The following OLFML2A variants were observed in gnomAD, a reference collection of about 807,000 sequenced individuals.
OLFML2A encodes olfactomedin-like protein 2A.
A neutral mutation model predicts 60.9 loss-of-function variants in OLFML2A; 47 were observed. That is an observed-to-expected ratio of 0.77 (90% confidence interval 0.61 to 0.98). The LOEUF (loss-of-function observed/expected upper bound fraction) is 0.98, where lower values mean the gene tolerates loss of function less well. Ranked by LOEUF, OLFML2A falls within the 50% of genes least tolerant of loss-of-function variation. The probability of loss-of-function intolerance (pLI) is 0.00; values close to 1 mark genes in which losing one functional copy is unlikely to be tolerated. For missense variants in OLFML2A, 922 were observed against 879.8 expected (o/e 1.05, Z -0.61); for synonymous variants, 372 against 375.0 (o/e 0.99, Z 0.09).
In OLFML2A at chr9:124,810,777, G is replaced by T; in HGVS notation, c.*365G>T. On this transcript the variant is annotated 3_prime_UTR_variant, in exon 8 of 8. Transcript: ENST00000373580. The stretch of plus-strand genomic sequence containing the variant: ...GTGCTCTCAGGACAGCCCCATTTTA[G>T]GGATGAGGAGACTTCACCACGCCCT... 4.3e-6 allele frequency: 1 copy of T among 233,414 alleles called. No homozygotes were observed. The allele number at this position is 233,414 out of a possible 1,614,324, so 14.5% of individuals were successfully genotyped here. A position where few individuals can be genotyped will look rare whatever the true frequency, so the allele number is the denominator to read the frequency against.
chr9:124,796,981 A>T (rs562306503), intron 3 of OLFML2A, among the ~76,000 whole-genome samples: 8 of 152,336 alleles, frequency 5.3e-5, no homozygotes, highest in African/African-American at 1.9e-4. Context: ...GACTTCTGTC[A>T]TCCCTGGGAT....
Position 124,804,140 on chromosome 9 carries a change from G to A in OLFML2A, c.966G>A (p.Lys322=), listed in dbSNP as rs376933061. The change falls in exon 6 of 8, where the codon AAG becomes AAA. Residue 322 remains lysine (K), a synonymous_variant. Transcript: ENST00000373580. The stretch of plus-strand genomic sequence containing the variant: ...CCTGGCTGGAGCAACTGCCGCCCAA[G>A]GTGGAGGGCAGGTCCAACTCCGCAG... ...GTSWLEQLPP[K]VEGRSNSAEP... The A allele has an allele frequency of 1.3e-5, 21 of 1,613,916 alleles. No individual in the cohort carries two copies. In the Middle Eastern group the frequency reaches 1.6e-3, roughly 126 times the overall value.
Position 124,807,842 on chromosome 9 carries a change from C to T in OLFML2A, c.1230C>T (p.Ser410=). 6.2e-7 allele frequency: 1 copy of T among 1,614,060 alleles called. No homozygotes were observed. Among genetic ancestry groups the T allele is most frequent in the Non-Finnish European group, 8.5e-7 (1 of 1,179,972 alleles). Reference sequence around the variant, plus strand: ...TGGACCCCCCTGTGAGGCACCACAGCTATGGGCGCCACGAGGGAGCCTGGA... The same window carrying T: ...TGGACCCCCCTGTGAGGCACCACAGTTATGGGCGCCACGAGGGAGCCTGGA... ...RAVDPPVRHH[S]YGRHEGAWMK... Residue 410 remains serine, a synonymous_variant, in exon 7 of 8, where the codon AGC becomes AGT. Coordinates refer to ENST00000373580, the MANE Select transcript of OLFML2A (RefSeq NM_182487.4).
At chr9:124,801,770 T>C in intron 5 of OLFML2A, 107 bp downstream of exon 5, 1 of 1,220,046 alleles carries the variant, frequency 8.2e-7, no homozygotes, top group Non-Finnish European at 1.1e-6. Context: ...TTCCACCCAT[T>C]GATTACCTGT....
chr9:124,804,966 G>C (rs1264357314), intron 6 of OLFML2A, among the ~76,000 whole-genome samples: 1 of 152,080 alleles, frequency 6.6e-6, no homozygotes, highest in East Asian at 1.9e-4. Context: ...GCCTCCCAAA[G>C]TGCTGGGATT....
rs570640589 is a variant in OLFML2A at position 124,811,674 on chromosome 9, C to T, written c.*1262C>T. The T allele has an allele frequency of 7.4e-4, 113 of 152,372 alleles. No homozygotes were observed. The highest frequency in any genetic ancestry group is 2.4e-3 in the African/African-American group (101 of 41,578). 9.4% of individuals were successfully genotyped at this position (152,372 alleles called of 1,614,324 possible). ...AGACTGGACTTTTCCTGGCTCGACCCAGGACTTGGGTTGAGGATGCACGGG... is the reference window on the plus strand; with the variant it reads ...AGACTGGACTTTTCCTGGCTCGACCTAGGACTTGGGTTGAGGATGCACGGG... On this transcript the variant is annotated 3_prime_UTR_variant, in exon 8 of 8. Coordinates refer to ENST00000373580, the MANE Select transcript of OLFML2A (RefSeq NM_182487.4).
At chr9:124,796,817 A>T (rs1157441487) in intron 3 of OLFML2A, among the ~76,000 whole-genome samples, 3 of 152,208 alleles carry the variant, frequency 2.0e-5, no homozygotes, top group Non-Finnish European at 4.4e-5. Flanking sequence ...TCACAACTTA[A>T]GTGGGGGACA....
chr9:124,810,030 A>G lies in OLFML2A; in HGVS notation c.1577A>G (p.Asp526Gly), dbSNP rs765146658. 2 of 1,614,034 alleles carry G rather than the reference A, an allele frequency of 1.2e-6. No individual in the cohort carries two copies. The highest frequency in any genetic ancestry group is 2.2e-5 in the South Asian group (2 of 91,084). ...RGHSDIDFAV[D>G]ESGLWVIYPA... Reference sequence around the variant, plus strand: ...CACTCGGACATTGACTTTGCCGTGGACGAGAGCGGCCTGTGGGTCATCTAC... The same window carrying G: ...CACTCGGACATTGACTTTGCCGTGGGCGAGAGCGGCCTGTGGGTCATCTAC... Residue 526 changes from aspartate to glycine, a missense_variant, in exon 8 of 8, where the codon GAC becomes GGC. By Grantham distance (94) the Asp-to-Gly change is moderately conservative. Coordinates refer to ENST00000373580, the MANE Select transcript of OLFML2A (RefSeq NM_182487.4).
Position 124,810,269 on chromosome 9 carries a change from A to C in OLFML2A, c.1816A>C (p.Thr606Pro), listed in dbSNP as rs779101234. Residue 606 changes from threonine to proline, a missense_variant, in exon 8 of 8, where the codon ACG (threonine) becomes CCG (proline). By Grantham distance (38) the Thr-to-Pro change is conservative. Transcript: ENST00000373580. ...GGTCGCCTACGCTTTCGACACGCAC[A>C]CGGGCACCGACGCACGCCCCCAGCT... is the stretch of plus-strand genomic sequence containing the variant. ...GQVAYAFDTH[T>P]GTDARPQLPF... 47 of 1,610,966 alleles carry C rather than the reference A, an allele frequency of 2.9e-5. No individual in the cohort carries two copies. Among genetic ancestry groups the C allele is most frequent in the Non-Finnish European group, 9.3e-6 (11 of 1,179,958 alleles).
chr9:124,799,295 C>G lies in OLFML2A; in HGVS notation c.473C>G (p.Ala158Gly). Residue 158 changes from alanine (A) to glycine (G), a missense_variant, in exon 4 of 8, where the codon GCC becomes GGC. Coordinates refer to ENST00000373580, the MANE Select transcript of OLFML2A (RefSeq NM_182487.4). ...QMNTLEESIK[A>G]NLSRENEVVK... ...CTGCCCCCTCCGCAGAGCATCAAGG[C>G]CAACCTGAGCCGGGAGAATGAGGTG... The G allele has an allele frequency of 6.2e-7, 1 of 1,610,684 alleles. No individual in the cohort carries two copies. The highest frequency in any genetic ancestry group is 8.5e-7 in the Non-Finnish European group (1 of 1,177,408).
At chr9:124,800,893 G>T in intron 4 of OLFML2A, 2 of 1,528,006 alleles carry the variant, frequency 1.3e-6, no homozygotes, top group Non-Finnish European at 1.8e-6. Context: ...GAGGTTGGGT[G>T]ACCAACCCTG....
Position 124,810,119 on chromosome 9 carries a change from G to T in OLFML2A, c.1666G>T (p.Gly556Cys), listed in dbSNP as rs375314642. Residue 556 changes from glycine (G) to cysteine (C), a missense_variant, in exon 8 of 8, where the codon GGC becomes TGC. By Grantham distance (159) the Gly-to-Cys change is radical (BLOSUM62 -3). Transcript: ENST00000373580. ...EVIVLSRLDP[G>C]DLSVHRETTW... is the part of the protein sequence containing the mutation. ...GATCGTCCTGAGTCGCTTGGACCCC[G>T]GCGATCTCTCCGTGCACCGGGAGAC... 3 of 1,613,618 alleles carry T rather than the reference G, an allele frequency of 1.9e-6. No individual in the cohort carries two copies. Among genetic ancestry groups the T allele is most frequent in the Non-Finnish European group, 2.5e-6 (3 of 1,180,004 alleles).
intron 5 of OLFML2A, among the ~76,000 whole-genome samples, chr9:124,802,615 A>T (rs1466593027): frequency 6.6e-6 from 1 of 152,234 alleles, no homozygotes; most frequent in Non-Finnish European, 1.5e-5. Context: ...AGCTGCAGGC[A>T]TCTGACTCTG....
chr9:124,796,966 A>G (rs981316877), intron 3 of OLFML2A, among the ~76,000 whole-genome samples: 1 of 152,182 alleles, frequency 6.6e-6, no homozygotes, highest in East Asian at 1.9e-4. Context: ...TCTGTCATAC[A>G]CTTTGACTTC....
chr9:124,794,969 G>T lies in OLFML2A; in HGVS notation c.355-55G>T, dbSNP rs1588883598. The T allele has an allele frequency of 5.5e-6, 6 of 1,085,022 alleles. No homozygotes were observed. In the East Asian group the frequency reaches 1.6e-4, roughly 28 times the overall value. 67.2% of individuals were successfully genotyped at this position (1,085,022 alleles called of 1,614,324 possible). ...CAGCAGGGTTCCTTTTACCCTCTGT[G>T]TCTGGCCGGCCATGTGCTGCACTCT... On this transcript the variant is annotated intron_variant, in intron 2 of 7. Coordinates refer to ENST00000373580, the MANE Select transcript of OLFML2A (RefSeq NM_182487.4).
At chr9:124,801,818 C>T (rs1170305890) in intron 5 of OLFML2A, among the ~76,000 whole-genome samples, 155 bp downstream of exon 5, 3 of 152,192 alleles carry the variant, frequency 2.0e-5, no homozygotes, top group Non-Finnish European at 2.9e-5. Flanking sequence ...AGGATAACAC[C>T]CCACTCAGGG....
Position 124,795,107 on chromosome 9 carries a change from C to T in OLFML2A, c.438C>T (p.Ala146=), listed in dbSNP as rs1216676274. 6.2e-7 allele frequency: 1 copy of T among 1,603,872 alleles called. No homozygotes were observed. ...TGCACGCCTACGTCCACAAGGTGGC[C>T]TCCCAGATGAACACACTGGAAGAGG... ...MKVHAYVHKV[A]SQMNTLEESI... The change falls in exon 3 of 8, where the codon GCC becomes GCT. Residue 146 remains alanine, a synonymous_variant. Transcript: ENST00000373580.
chr9:124,805,612 T>A (rs1345173351), intron 6 of OLFML2A, among the ~76,000 whole-genome samples: 1 of 151,980 alleles, frequency 6.6e-6, no homozygotes, highest in African/African-American at 2.4e-5. Context: ...TTTCTTTGGA[T>A]GGGAGAATGG....
chr9:124,810,019 CTT>C lies in OLFML2A; in HGVS notation c.1568_1569del (p.Phe523CysfsTer19). 1 of 1,614,140 alleles carries C rather than the reference CTT, an allele frequency of 6.2e-7. No individual in the cohort carries two copies. Among genetic ancestry groups the C allele is most frequent in the Non-Finnish European group, 8.5e-7 (1 of 1,180,032 alleles). ...AGTGGCGCGGACACTCGGACATTGA[CTT>C]TGCCGTGGACGAGAGCGGCCTGTGG... ...WKWRGHSDID[F>X]AVDESGLWVI... is the part of the protein sequence containing the mutation. On this transcript the variant is annotated frameshift_variant, in exon 8 of 8. Coordinates refer to ENST00000373580, the MANE Select transcript of OLFML2A (RefSeq NM_182487.4). LOFTEE classifies it high-confidence loss of function.
Sources: gnomAD v4.1 joint callset for allele counts (sites outside exome capture counted in the v4.1 genomes callset) on GRCh38, gnomAD v4.1.1 for gene constraint, MANE v1.5 for transcripts, NCBI Gene and HGNC (gene_info 2026-07-23, HGNC 2026-07-21) for gene names.